Variants in MAP3K5 observed in about 807,000 individuals in gnomAD.
MAP3K5 encodes ASK-1.
Under a neutral mutation model 158.7 loss-of-function variants are expected in MAP3K5, and 56 were observed. The observed-to-expected ratio is 0.35, with a 90% CI of 0.28 to 0.44. The LOEUF is 0.44. MAP3K5 is among the 20% of genes least tolerant of loss of function. MAP3K5 has a pLI of 1.00. For missense variants in MAP3K5, 1,294 were observed against 1,674.8 expected (o/e 0.77, Z 3.97); for synonymous variants, 579 against 601.7 (o/e 0.96, Z 0.55).
At chr6:136,645,069 C>T (rs1778184176) in intron 11 of MAP3K5, among the ~76,000 whole-genome samples, 1 of 152,124 alleles carries the variant, frequency 6.6e-6, no homozygotes, top group African/African-American at 2.4e-5. Flanking sequence ...GCTGGGACTA[C>T]AGGCACATAT....
chr6:136,641,413 A>G (rs1005708123), intron 12 of MAP3K5, among the ~76,000 whole-genome samples: 6 of 152,256 alleles, frequency 3.9e-5, no homozygotes, highest in Admixed American at 3.3e-4. Flanking sequence ...TAGTTAGCAC[A>G]TCTAATTTGG....
intron 1 of MAP3K5, among the ~76,000 whole-genome samples, chr6:136,775,086 G>A (rs1207251211): frequency 1.3e-5 from 2 of 151,962 alleles, no homozygotes; most frequent in Non-Finnish European, 2.9e-5. Context: ...CATTTCAAGA[G>A]GGAATAGATA....
At chr6:136,781,468 G>A (rs976832612) in intron 1 of MAP3K5, among the ~76,000 whole-genome samples, 2 of 152,346 alleles carry the variant, frequency 1.3e-5, no homozygotes, top group South Asian at 2.1e-4. Flanking sequence ...AACAGAATAT[G>A]TAGTTCAAAA....
intron 7 of MAP3K5, among the ~76,000 whole-genome samples, chr6:136,692,964 A>T (rs1246001737): frequency 6.6e-6 from 1 of 152,216 alleles, no homozygotes; most frequent in South Asian, 2.1e-4. Flanking sequence ...TCAAAAAAAA[A>T]AGAAAGAAAT....
At position 136,613,137 on chromosome 6, in the gene MAP3K5, C is replaced by T; in HGVS notation, c.2398G>A (p.Val800Ile). 2.5e-6 allele frequency: 4 copies of T among 1,609,180 alleles called. No individual in the cohort carries two copies. Among genetic ancestry groups the T allele is most frequent in the Non-Finnish European group, 1.7e-6 (2 of 1,178,104 alleles). ...GLKYLHDNQI[V>I]HRDIKGDNVL... ...TACCTCACCTTTATGTCCCGGTGAA[C>T]TATCTGATTGTCATGGAGATATTTT... Residue 800 changes from valine (V) to isoleucine (I), a missense_variant, in exon 17 of 30, where the codon GTT (valine) becomes ATT (isoleucine). Physicochemically the swap from Val to Ile is conservative, Grantham distance 29. Transcript: ENST00000359015. This position sits in a 1 kb window ranked among gnomAD's most constrained non-coding sequence, Gnocchi z 4.0.
chr6:136,602,660 G>A (rs1487687344), intron 19 of MAP3K5, among the ~76,000 whole-genome samples: 1 of 152,188 alleles, frequency 6.6e-6, no homozygotes, highest in East Asian at 1.9e-4. Flanking sequence ...ATTGTGCTGG[G>A]GTTTCTCCAC....
intron 2 of MAP3K5, among the ~76,000 whole-genome samples, chr6:136,705,352 T>C (rs1001786855): frequency 6.6e-6 from 1 of 152,190 alleles, no homozygotes; most frequent in African/African-American, 2.4e-5. Flanking sequence ...TGGAGTACAA[T>C]GGCACAATCA....
At chr6:136,602,013 T>C (rs1418945633) in intron 19 of MAP3K5, 34 bp from the exon 20 acceptor site, 3 of 1,578,748 alleles carry the variant, frequency 1.9e-6, no homozygotes, top group African/African-American at 1.4e-5. Flanking sequence ...CAATGTGCCT[T>C]CTGAGTGAAC....
chr6:136,642,019 TAA>T (rs1777977445), intron 12 of MAP3K5, among the ~76,000 whole-genome samples: 2 of 103,908 alleles, frequency 1.9e-5, no homozygotes, highest in Non-Finnish European at 3.7e-5. Flanking sequence ...ATAAAATAAA[TAA>T]AATAAAATAA....
intron 1 of MAP3K5, among the ~76,000 whole-genome samples, chr6:136,774,144 G>A (rs1330446788): frequency 6.6e-6 from 1 of 152,110 alleles, no homozygotes; most frequent in Non-Finnish European, 1.5e-5. Context: ...GTCACCTCCT[G>A]TCCAATGTCT....
chr6:136,595,515 G>A (rs111986893), intron 21 of MAP3K5, among the ~76,000 whole-genome samples: 1,827 of 152,234 alleles, frequency 0.012, 25 homozygotes, highest in Non-Finnish European at 0.016. Context: ...TATATGTCAG[G>A]TAGCCAGCAG....
rs1326683476 is a variant in MAP3K5 at position 136,670,358 on chromosome 6, C to T, written c.1254-963G>A. Among the ~76,000 whole-genome samples, 7 of 151,812 alleles carry T rather than the reference C, an allele frequency of 4.6e-5. No homozygotes were observed. The South Asian group carries it at 6.2e-4, about 14-fold the overall frequency. ...TAAAACGAGAAAAATAAAATAAATG[C>T]CCTAGTGACTAAGAGGAACTGCCTG... On this transcript the variant is annotated intron_variant, in intron 7 of 29. Transcript: ENST00000359015.
intron 10 of MAP3K5, among the ~76,000 whole-genome samples, chr6:136,652,186 A>G (rs914540205): frequency 1.3e-5 from 2 of 152,188 alleles, no homozygotes; most frequent in African/African-American, 4.8e-5. Context: ...AGCAGGCACA[A>G]GAATCTGGGC....
chr6:136,645,575 A>G (rs1194978984), intron 11 of MAP3K5, among the ~76,000 whole-genome samples: 1 of 152,224 alleles, frequency 6.6e-6, no homozygotes, highest in South Asian at 2.1e-4. Context: ...CTCTTCCTCA[A>G]TCTTAAGTTT....
chr6:136,780,293 T>C (rs1017844845), intron 1 of MAP3K5, among the ~76,000 whole-genome samples: 2 of 152,234 alleles, frequency 1.3e-5, no homozygotes, highest in African/African-American at 4.8e-5. Context: ...AGAGATACAA[T>C]TGATTTCTAC....
chr6:136,642,563 T>C lies in MAP3K5; in HGVS notation c.1795A>G (p.Ile599Val), dbSNP rs1443696385. 7 of 1,604,644 alleles carry C rather than the reference T, an allele frequency of 4.4e-6. No individual in the cohort carries two copies. Among genetic ancestry groups the C allele is most frequent in the Non-Finnish European group, 5.1e-6 (6 of 1,171,970 alleles). The change falls in exon 12 of 30, where the codon ATA (isoleucine) becomes GTA (valine). Residue 599 changes from isoleucine to valine, a missense_variant. Ile to Val is a conservative substitution (Grantham distance 29). This residue lies in a region of MAP3K5 where 690 missense variants were observed against 870.5 expected (regional missense o/e 0.79). Coordinates refer to ENST00000359015, the MANE Select transcript of MAP3K5 (RefSeq NM_005923.4). ...GAGGCACTAAAATTCCACTCATGTA[T>C]ACCTTTCTAGAACAACAACAAGAAA... ...WHVLPDDKKG[I>V]HEWNFSASSV...
chr6:136,682,467 G>A (rs1409821158), intron 7 of MAP3K5, among the ~76,000 whole-genome samples: 1 of 152,126 alleles, frequency 6.6e-6, no homozygotes, highest in African/African-American at 2.4e-5. Context: ...TTCCAAAGTA[G>A]AGCCAACCCC....
At chr6:136,780,075 G>C (rs990033988) in intron 1 of MAP3K5, among the ~76,000 whole-genome samples, 1 of 152,146 alleles carries the variant, frequency 6.6e-6, no homozygotes, top group Non-Finnish European at 1.5e-5. Flanking sequence ...AAGGTCAAAA[G>C]GTACTGAGTA....
At position 136,557,667 on chromosome 6, in the gene MAP3K5, T is replaced by C. The variant is rs942621949; in HGVS notation, c.*91A>G. 4.9e-5 allele frequency: 43 copies of C among 871,230 alleles called. No individual in the cohort carries two copies. Among genetic ancestry groups the C allele is most frequent in the Admixed American group, 9.2e-5 (5 of 54,172 alleles). 54.0% of individuals were successfully genotyped at this position (871,230 alleles called of 1,614,324 possible). A position where few individuals can be genotyped will look rare whatever the true frequency, so the allele number is the denominator to read the frequency against. On this transcript the variant is annotated 3_prime_UTR_variant, in exon 30 of 30. Coordinates refer to ENST00000359015, the MANE Select transcript of MAP3K5 (RefSeq NM_005923.4). The stretch of plus-strand genomic sequence containing the variant: ...AATACTGGATTTAAAGTGCAGCGCC[T>C]TTCTCCTCTCCCTTCGATTTTCCCA...
Sources: allele counts gnomAD v4.1 joint callset (sites outside exome capture counted in the v4.1 genomes callset), GRCh38; gene constraint gnomAD v4.1.1; regional missense constraint gnomAD v4.1.1; non-coding constraint Gnocchi (gnomAD v3.1); transcripts MANE v1.5; gene names NCBI Gene and HGNC (gene_info 2026-07-23, HGNC 2026-07-21).